The following GPC5 variants were observed in gnomAD, a reference collection of about 807,000 sequenced individuals.
The protein encoded by GPC5 is glypican-5.
Under a neutral mutation model 53.9 loss-of-function variants are expected in GPC5, and 47 were observed. The ratio of observed to expected loss-of-function variants is 0.87; its 90% confidence interval spans 0.69 to 1.11. The LOEUF (loss-of-function observed/expected upper bound fraction) is 1.11. Ranked by LOEUF, GPC5 falls within the 50% of genes most tolerant of loss-of-function variation. GPC5 has a pLI of 0.00. For synonymous variants in GPC5, 286 were observed against 263.3 expected (o/e 1.09, Z -0.84); for missense variants, 748 against 713.1 (o/e 1.05, Z -0.56).
intron 1 of GPC5, among the ~76,000 whole-genome samples, chr13:91,399,576 T>C (rs1242843256): frequency 6.6e-6 from 1 of 152,126 alleles, no homozygotes; most frequent in Non-Finnish European, 1.5e-5. Context: ...CCACCGGGGA[T>C]TTCGGTTTAC....
At chr13:92,473,862 C>T (rs1878999722) in intron 7 of GPC5, among the ~76,000 whole-genome samples, 1 of 152,000 alleles carries the variant, frequency 6.6e-6, no homozygotes, top group African/African-American at 2.4e-5. Flanking sequence ...GATATTTTGC[C>T]TTAGTGTGTA....
chr13:92,779,898 G>A (rs9584062), intron 7 of GPC5, among the ~76,000 whole-genome samples: 15,321 of 152,160 alleles, frequency 0.1, 959 homozygotes, highest in African/African-American at 0.18. Flanking sequence ...CAGAGTGCTT[G>A]CAAATGGTAA....
intron 2 of GPC5, among the ~76,000 whole-genome samples, chr13:91,534,414 G>A (rs1886492892): frequency 6.6e-6 from 1 of 152,164 alleles, no homozygotes; most frequent in South Asian, 2.1e-4. Flanking sequence ...TTCTGTAAAA[G>A]AGAAATGAAA....
intron 7 of GPC5, among the ~76,000 whole-genome samples, chr13:92,318,695 G>C (rs6492598): frequency 0.41 from 61,844 of 151,906 alleles, 13,756 homozygotes; most frequent in African/African-American, 0.6. Context: ...AAGCAGTAAT[G>C]AGGTATCAAT....
rs757639727 is a variant in GPC5 at position 91,756,384 on chromosome 13, G to C, written c.1244G>C (p.Gly415Ala). ...GCTAATGAATTAGCTGCTGCAGATG[G>C]ACTTCCCTGCTGGAATGGAGAAGAT... ...LCANELAAADGLPCWNGEDIV... is the reference protein window; with the variant it reads ...LCANELAAADALPCWNGEDIV... Residue 415 changes from glycine (G) to alanine (A), a missense_variant, in exon 5 of 8, where the codon GGA becomes GCA. Physicochemically the swap from Gly to Ala is moderately conservative, Grantham distance 60 (BLOSUM62 0). Coordinates refer to ENST00000377067, the MANE Select transcript of GPC5 (RefSeq NM_004466.6). 3.8e-6 allele frequency: 6 copies of C among 1,594,862 alleles called. No individual in the cohort carries two copies. Among genetic ancestry groups the C allele is most frequent in the African/African-American group, 1.3e-5 (1 of 74,644 alleles).
At chr13:92,550,440 G>T (rs1302557021) in intron 7 of GPC5, among the ~76,000 whole-genome samples, 1 of 151,830 alleles carries the variant, frequency 6.6e-6, no homozygotes, top group Non-Finnish European at 1.5e-5. Context: ...TGTATGAAGT[G>T]AGGGTGAGAC....
chr13:92,663,856 C>CTATATATATATATA (rs201565650), intron 7 of GPC5, among the ~76,000 whole-genome samples: 13 of 88,376 alleles, frequency 1.5e-4, no homozygotes, highest in African/African-American at 2.4e-4. Flanking sequence ...CACACACACA[C>CTATATATATATATA]TATATATATA....
chr13:91,830,797 A>ATATATGATATATATAT (rs1162061806), intron 5 of GPC5, among the ~76,000 whole-genome samples: 1 of 138,922 alleles, frequency 7.2e-6, no homozygotes, highest in African/African-American at 2.6e-5. Flanking sequence ...ATACTATTAT[A>ATATATGATATATATAT]TATATAATAT....
chr13:92,413,526 A>G (rs753874881), intron 7 of GPC5, among the ~76,000 whole-genome samples: 3 of 152,210 alleles, frequency 2.0e-5, no homozygotes, highest in Non-Finnish European at 4.4e-5. Context: ...GATATCAGTT[A>G]CTTTCCATTT....
At position 92,830,477 on chromosome 13, in the gene GPC5, T is replaced by C. The variant is rs550113432; in HGVS notation, c.1562-35805T>C. On this transcript the variant is annotated intron_variant, in intron 7 of 7. Transcript: ENST00000377067. The stretch of plus-strand genomic sequence containing the variant: ...TCCTGAAGTTAAAGATGTTTCTGAA[T>C]ATTACCTCAAAAGAGACACACCAGA... Among the ~76,000 whole-genome samples, 15 of 152,292 alleles carry C rather than the reference T, an allele frequency of 9.8e-5. 1 individual carries two copies. The South Asian group carries it at 2.5e-3, about 25-fold the overall frequency.
chr13:92,663,994 C>T (rs1367777821), intron 7 of GPC5, among the ~76,000 whole-genome samples: 1 of 149,792 alleles, frequency 6.7e-6, no homozygotes, highest in Admixed American at 6.7e-5. Flanking sequence ...ATCACTTGAA[C>T]CCGGGAGGCA....
chr13:92,482,160 G>A (rs142705936), intron 7 of GPC5, among the ~76,000 whole-genome samples: 79 of 152,000 alleles, frequency 5.2e-4, no homozygotes, highest in Middle Eastern at 6.8e-3. Context: ...TGTTGGGTGC[G>A]TAGCAGCTTG....
At chr13:92,083,939 G>A (rs1020289881) in intron 6 of GPC5, among the ~76,000 whole-genome samples, 2 of 152,196 alleles carry the variant, frequency 1.3e-5, no homozygotes, top group African/African-American at 4.8e-5. Context: ...ATACTACATA[G>A]TCATAAAAAG....
intron 3 of GPC5, among the ~76,000 whole-genome samples, chr13:91,728,062 T>A (rs1329862875): frequency 6.6e-6 from 1 of 152,142 alleles, no homozygotes; most frequent in Non-Finnish European, 1.5e-5. Flanking sequence ...ATATTAATCG[T>A]CATTTCTAAG....
intron 1 of GPC5, among the ~76,000 whole-genome samples, chr13:91,438,132 G>C (rs1280791446): frequency 6.6e-6 from 1 of 151,528 alleles, no homozygotes; most frequent in African/African-American, 2.4e-5. Context: ...GCTTGGAGTA[G>C]TTTGATTGTC....
chr13:91,615,629 T>A (rs2033675386), intron 2 of GPC5, among the ~76,000 whole-genome samples: 1 of 152,222 alleles, frequency 6.6e-6, no homozygotes, highest in East Asian at 1.9e-4. Flanking sequence ...ACAGTGGTAA[T>A]ATGTGATAGC....
At chr13:92,047,325 C>A (rs2040990111) in intron 6 of GPC5, among the ~76,000 whole-genome samples, 1 of 152,004 alleles carries the variant, frequency 6.6e-6, no homozygotes, top group Non-Finnish European at 1.5e-5. Context: ...CATAGACCAA[C>A]ACCAAGGAGA....
intron 7 of GPC5, among the ~76,000 whole-genome samples, chr13:92,789,878 T>G (rs1876400296): frequency 6.6e-6 from 1 of 151,962 alleles, no homozygotes; most frequent in Admixed American, 6.6e-5. Context: ...CCAGTCCAAG[T>G]CCCAAAACCT....
intron 6 of GPC5, among the ~76,000 whole-genome samples, chr13:91,944,032 C>T (rs1328085199): frequency 6.6e-6 from 1 of 152,088 alleles, no homozygotes; most frequent in Non-Finnish European, 1.5e-5. Context: ...TTTACTTTCT[C>T]AACTTCTCCT....
Sources: gnomAD v4.1 joint callset for allele counts (sites outside exome capture counted in the v4.1 genomes callset) on GRCh38, gnomAD v4.1.1 for gene constraint, MANE v1.5 for transcripts, NCBI Gene and HGNC (gene_info 2026-07-23, HGNC 2026-07-21) for gene names.